Variants in TFAP2D observed in about 807,000 individuals in gnomAD.
The protein encoded by TFAP2D is transcription factor AP-2 delta, also known as transcription factor AP-2-delta.
In TFAP2D, 9 loss-of-function variants were observed where a neutral mutation model predicts 43.6. The observed-to-expected ratio is 0.21, with a 90% CI of 0.12 to 0.36. The LOEUF (loss-of-function observed/expected upper bound fraction) is 0.36, where lower values mean the gene tolerates loss of function less well. Among genes scored for constraint, TFAP2D ranks in the 10% least tolerant of loss-of-function variants. The pLI is 1.00. For synonymous variants in TFAP2D, 256 were observed against 224.9 expected, an observed-to-expected ratio of 1.14 and a Z score of -1.24; for missense variants, 513 against 561.4, an observed-to-expected ratio of 0.91 and a Z score of 0.87.
intron 5 of TFAP2D, among the ~76,000 whole-genome samples, chr6:50,741,439 C>G (rs1339180981): frequency 6.6e-6 from 1 of 152,094 alleles, no homozygotes; most frequent in African/African-American, 2.4e-5. Context: ...TCTCCTCCCA[C>G]TCTCCACCCT....
At chr6:50,726,782 A>T (rs930051739) in intron 3 of TFAP2D, among the ~76,000 whole-genome samples, 2 of 152,204 alleles carry the variant, frequency 1.3e-5, no homozygotes, top group Non-Finnish European at 2.9e-5. Flanking sequence ...GTACAGAGTG[A>T]AACCGATAAC....
rs984927015 is a variant in TFAP2D, at chr6:50,772,888, CAG to C, written c.*29_*30del. The C allele has an allele frequency of 6.3e-7, 1 of 1,588,634 alleles. No homozygotes were observed. Among genetic ancestry groups the C allele is most frequent in the Non-Finnish European group, 8.6e-7 (1 of 1,165,506 alleles). On this transcript the variant is annotated 3_prime_UTR_variant, in exon 8 of 8. Transcript: ENST00000008391. ...AGCTACATCAAACAGAATCTATTTC[CAG>C]AGAGTCTTGCTGCTGATATTTTTTC...
At chr6:50,718,334 G>A (rs921630613) in intron 2 of TFAP2D, 1 of 152,040 alleles carries the variant, frequency 6.6e-6, no homozygotes, top group African/African-American at 2.4e-5. Flanking sequence ...AACTCTTCAC[G>A]GGCTGTTGGG....
chr6:50,734,116 A>G (rs1768931242), intron 5 of TFAP2D, among the ~76,000 whole-genome samples: 1 of 151,828 alleles, frequency 6.6e-6, no homozygotes, highest in Non-Finnish European at 1.5e-5. Flanking sequence ...AATCTTTCTC[A>G]GTTTAAATCC....
intron 7 of TFAP2D, among the ~76,000 whole-genome samples, chr6:50,767,104 A>G (rs1769456866): frequency 6.6e-6 from 1 of 152,210 alleles, no homozygotes; most frequent in Non-Finnish European, 1.5e-5. Flanking sequence ...GGATTTTCTA[A>G]AATCATATCA....
intron 6 of TFAP2D, among the ~76,000 whole-genome samples, chr6:50,746,030 G>A (rs1199512835): frequency 3.3e-5 from 5 of 152,190 alleles, no homozygotes; most frequent in African/African-American, 4.8e-5. Context: ...TGCAGGTTAC[G>A]TTCAAAAGTT....
Position 50,745,223 on chromosome 6 carries a change from A to G in TFAP2D, c.1000A>G (p.Arg334Gly), listed in dbSNP as rs1769108851. The G allele has an allele frequency of 6.8e-6, 11 of 1,613,642 alleles. No individual in the cohort carries two copies. In the East Asian group the frequency reaches 2.5e-4, roughly 36 times the overall value. ...TATGGAACAGAAAGAACAGACAGCA[A>G]GAAAAAAGATGATCCTGGCGACCAA... ...QHMEQKEQTA[R>G]KKMILATKQI... The change falls in exon 6 of 8, where the codon AGA (arginine) becomes GGA (glycine). Residue 334 changes from arginine to glycine, a missense_variant. Physicochemically the swap from Arg to Gly is moderately radical, Grantham distance 125 (BLOSUM62 -2). This residue lies in a region of TFAP2D where 199 missense variants were observed against 227.9 expected (regional missense o/e 0.87). Transcript: ENST00000008391.
intron 3 of TFAP2D, among the ~76,000 whole-genome samples, chr6:50,724,689 G>A (rs1219834611): frequency 1.3e-5 from 2 of 152,092 alleles, no homozygotes; most frequent in South Asian, 4.2e-4. Context: ...AGTAGCCTGG[G>A]ATGAGAAGAG....
At position 50,745,260 on chromosome 6, in the gene TFAP2D, G is replaced by T; in HGVS notation, c.1025+12G>T. On this transcript the variant is annotated intron_variant, in intron 6 of 7. Coordinates refer to ENST00000008391, the MANE Select transcript of TFAP2D (RefSeq NM_172238.4). ...ATCCTGGCGACCAAGTAAGCAGAAT[G>T]GGGAAACCTCTGTGTGCTTTCATCT... The T allele has an allele frequency of 1.9e-6, 3 of 1,613,060 alleles. No individual in the cohort carries two copies. Among genetic ancestry groups the T allele is most frequent in the Non-Finnish European group, 2.5e-6 (3 of 1,179,526 alleles).
At chr6:50,729,090 G>A in intron 4 of TFAP2D, 69 bp downstream of exon 4, 1 of 1,603,870 alleles carries the variant, frequency 6.2e-7, no homozygotes, top group South Asian at 1.1e-5. Context: ...CCTTAGTCAT[G>A]ATGTCTTCCA....
At position 50,744,223 on chromosome 6, in the gene TFAP2D, A is replaced by G. The variant is rs114639618; in HGVS notation, c.884-884A>G. 6.2e-3 allele frequency among the ~76,000 whole-genome samples: 951 copies of G among 152,180 alleles called. 8 individuals are homozygous for G. Among genetic ancestry groups the G allele is most frequent in the African/African-American group, 0.022 (894 of 41,530 alleles). On this transcript the variant is annotated intron_variant, in intron 5 of 7. Transcript: ENST00000008391. The stretch of plus-strand genomic sequence containing the variant: ...TACTTTTTACCCTCAAGTAGGTCCC[A>G]GTGTCTGTTGTTCCTCTCTTTGTGT...
intron 7 of TFAP2D, among the ~76,000 whole-genome samples, chr6:50,752,080 G>A (rs1338075551): frequency 6.6e-6 from 1 of 151,888 alleles, no homozygotes; most frequent in East Asian, 1.9e-4. Context: ...CCAGAAGTAT[G>A]TTAAAAATTT....
At chr6:50,768,637 A>T (rs1321195677) in intron 7 of TFAP2D, among the ~76,000 whole-genome samples, 1 of 152,186 alleles carries the variant, frequency 6.6e-6, no homozygotes, top group East Asian at 1.9e-4. Flanking sequence ...TTATTGTAGT[A>T]CATTAGATTA....
intron 5 of TFAP2D, among the ~76,000 whole-genome samples, chr6:50,739,817 G>A (rs1439375530): frequency 6.6e-6 from 1 of 152,184 alleles, no homozygotes; most frequent in Non-Finnish European, 1.5e-5. Flanking sequence ...TTGTGAATCA[G>A]ATGCTGTGCT....
Position 50,773,005 on chromosome 6 carries a change from GA to G in TFAP2D, c.*146del. 1.7e-6 allele frequency: 1 copy of G among 594,508 alleles called. No individual in the cohort carries two copies. Among genetic ancestry groups the G allele is most frequent in the Non-Finnish European group, 2.4e-6 (1 of 408,806 alleles). The allele number at this position is 594,508 out of a possible 1,614,324, so 36.8% of individuals were successfully genotyped here. A position where few individuals can be genotyped will look rare whatever the true frequency, so the allele number is the denominator to read the frequency against. On this transcript the variant is annotated 3_prime_UTR_variant, in exon 8 of 8. Transcript: ENST00000008391. ...TCCATAAAAAAACAAAAATGGAAAT[GA>G]AAAATGAAACAAAAAAGGACAAAAC...
chr6:50,754,136 C>T (rs1769234416), intron 7 of TFAP2D, among the ~76,000 whole-genome samples: 1 of 151,926 alleles, frequency 6.6e-6, no homozygotes, highest in Admixed American at 6.6e-5. Context: ...TTCTTCTCCT[C>T]TCCCCAGCCT....
At chr6:50,765,197 G>T (rs1769424261) in intron 7 of TFAP2D, among the ~76,000 whole-genome samples, 1 of 152,014 alleles carries the variant, frequency 6.6e-6, no homozygotes, top group Non-Finnish European at 1.5e-5. Context: ...TTCTGTGTCT[G>T]GGTTATTTCA....
chr6:50,746,520 C>T (rs568297482), intron 6 of TFAP2D, among the ~76,000 whole-genome samples: 1 of 152,276 alleles, frequency 6.6e-6, no homozygotes, highest in Non-Finnish European at 1.5e-5. Flanking sequence ...TTACAGGCAT[C>T]AGCCACTATG....
chr6:50,751,188 T>A, intron 6 of TFAP2D, 23 bp from the exon 7 acceptor site: 1 of 1,520,628 alleles, frequency 6.6e-7, no homozygotes, highest in Non-Finnish European at 9.1e-7. Context: ...ATTTCAATTT[T>A]AAATTTGATT....
Sources: gnomAD v4.1 joint callset for allele counts (sites outside exome capture counted in the v4.1 genomes callset) on GRCh38, gnomAD v4.1.1 for gene constraint, gnomAD v4.1.1 regional missense constraint, MANE v1.5 for transcripts, NCBI Gene and HGNC (gene_info 2026-07-23, HGNC 2026-07-21) for gene names.